The following CC2D1A variants were observed in gnomAD, a reference collection of about 807,000 sequenced individuals.
CC2D1A encodes coiled-coil and C2 domain-containing protein 1A.
CC2D1A carries 68 observed loss-of-function variants against 123.8 expected under a neutral mutation model. The observed-to-expected ratio is 0.55, with a 90% CI of 0.45 to 0.67. The LOEUF (loss-of-function observed/expected upper bound fraction) is 0.67, where lower values mean the gene tolerates loss of function less well. Ranked by LOEUF, CC2D1A falls within the 30% of genes least tolerant of loss-of-function variation. The pLI, the probability that CC2D1A is intolerant of heterozygous loss-of-function variation, is 0.00. For synonymous variants in CC2D1A, 477 were observed against 528.0 expected (o/e 0.90, Z 1.32); for missense variants, 1,185 against 1,290.3 (o/e 0.92, Z 1.25).
In CC2D1A at chr19:13,920,618, C is replaced by T. The variant is rs369142336; in HGVS notation, c.1418C>T (p.Ser473Leu). The T allele has an allele frequency of 4.6e-5, 74 of 1,611,178 alleles. No homozygotes were observed. Among genetic ancestry groups the T allele is most frequent in the East Asian group, 2.9e-4 (13 of 44,786 alleles). Residue 473 changes from serine to leucine, a missense_variant, in exon 13 of 29, where the codon TCG becomes TTG. Ser to Leu is a moderately radical substitution (Grantham distance 145, BLOSUM62 -2). Coordinates refer to ENST00000318003, the MANE Select transcript of CC2D1A (RefSeq NM_017721.5). ...PKAPPSRTPQ[S>L]GSAPTAKAPP... is the part of the protein sequence containing the mutation. Reference sequence around the variant, plus strand: ...GCCCCACCCTCAAGAACTCCCCAGTCGGGATCAGCCCCAACAGCCAAAGCG... The same window carrying T: ...GCCCCACCCTCAAGAACTCCCCAGTTGGGATCAGCCCCAACAGCCAAAGCG...
rs145190059 is a variant in CC2D1A, at chr19:13,914,933, G to A, written c.748+1295G>A. Among the ~76,000 whole-genome samples the A allele has an allele frequency of 5.2e-3, 791 of 152,340 alleles. 4 individuals are homozygous for A. Among genetic ancestry groups the A allele is most frequent in the Non-Finnish European group, 7.4e-3 (502 of 68,040 alleles). On this transcript the variant is annotated intron_variant, in intron 6 of 28. Transcript: ENST00000318003. ...CTCCCTCTCTTTGTGATATGAACACGGGGCTTTGCCCCAGGTCCAAACACT... is the reference window on the plus strand; with the variant it reads ...CTCCCTCTCTTTGTGATATGAACACAGGGCTTTGCCCCAGGTCCAAACACT...
rs1194702277 is a variant in CC2D1A at position 13,927,011 on chromosome 19, G to A, written c.2159G>A (p.Arg720His). The A allele has an allele frequency of 3.7e-6, 6 of 1,614,062 alleles. No individual in the cohort carries two copies. The highest frequency in any genetic ancestry group is 4.2e-6 in the Non-Finnish European group (5 of 1,180,010). ...FKEQFKLCIN[R>H]SHRGFRRAIQ... ...GAGCAGTTCAAACTCTGCATCAACC[G>A]CAGCCACCGTGGCTTCCGAAGGGCC... Residue 720 changes from arginine (R) to histidine (H), a missense_variant, in exon 21 of 29, where the codon CGC becomes CAC. Coordinates refer to ENST00000318003, the MANE Select transcript of CC2D1A (RefSeq NM_017721.5).
chr19:13,918,602 C>G, intron 8 of CC2D1A, 26 bp downstream of exon 8: 1 of 1,610,064 alleles, frequency 6.2e-7, no homozygotes, highest in Non-Finnish European at 8.5e-7. Flanking sequence ...TGCCCACTCT[C>G]TGGGATGGTT....
chr19:13,930,322 A>T lies in CC2D1A; in HGVS notation c.2835+33A>T, dbSNP rs1971857882. 4 of 1,613,764 alleles carry T rather than the reference A, an allele frequency of 2.5e-6. No individual in the cohort carries two copies. The highest frequency in any genetic ancestry group is 3.4e-6 in the Non-Finnish European group (4 of 1,179,814). On this transcript the variant is annotated intron_variant, in intron 28 of 28. Transcript: ENST00000318003. The surrounding 1 kb of genome is among the most constrained non-coding windows in gnomAD (Gnocchi z 6.8). ...GCTTAGGAGATGGGGTGGTTGGGGG[A>T]TCACTGTGGTCGTAGCCCACCTCCA...
intron 24 of CC2D1A, 106 bp from the exon 25 acceptor site, chr19:13,929,273 G>C: frequency 8.4e-7 from 1 of 1,186,940 alleles, no homozygotes; most frequent in South Asian, 1.3e-5. Flanking sequence ...CCAAAGTGCA[G>C]GGATTACAGG....
chr19:13,908,091 C>T (rs940898552), intron 1 of CC2D1A, among the ~76,000 whole-genome samples: 2 of 152,174 alleles, frequency 1.3e-5, no homozygotes, highest in South Asian at 2.1e-4. Context: ...CTGCAACCTC[C>T]GCTTCCCGGG....
At chr19:13,910,054 C>CA (rs1240601302) in intron 2 of CC2D1A, 96 bp downstream of exon 2, 1 of 1,201,480 alleles carries the variant, frequency 8.3e-7, no homozygotes, top group Non-Finnish European at 1.1e-6. Flanking sequence ...GGAAAGAAGA[C>CA]AGAGAAGACC....
intron 4 of CC2D1A, among the ~76,000 whole-genome samples, chr19:13,912,926 G>A (rs955176379): frequency 1.3e-5 from 2 of 152,200 alleles, no homozygotes; most frequent in South Asian, 2.1e-4. Flanking sequence ...GATTACAGGC[G>A]TGAGCCACCG....
intron 17 of CC2D1A, among the ~76,000 whole-genome samples, chr19:13,924,659 G>A (rs1050208588): frequency 2.0e-5 from 3 of 152,120 alleles, no homozygotes; most frequent in Admixed American, 6.6e-5. Context: ...TAGTAGAGAC[G>A]GGGTTTCATT....
Position 13,929,661 on chromosome 19 carries a change from G to C in CC2D1A, c.2710+1G>C. The C allele has an allele frequency of 2.0e-6, 3 of 1,536,156 alleles. No homozygotes were observed. Among genetic ancestry groups the C allele is most frequent in the Non-Finnish European group, 2.6e-6 (3 of 1,143,544 alleles). On this transcript the variant is annotated splice_donor_variant, in intron 26 of 28. Coordinates refer to ENST00000318003, the MANE Select transcript of CC2D1A (RefSeq NM_017721.5). LOFTEE classifies it high-confidence loss of function. ...CAGGGGGGTGTGGGCATCCGACGGG[G>C]TAGGGGTTTGGAGATGGGCATCTGG...
At chr19:13,921,358 T>G (rs1436676258) in intron 14 of CC2D1A, among the ~76,000 whole-genome samples, 2 of 151,000 alleles carry the variant, frequency 1.3e-5, no homozygotes, top group Admixed American at 1.3e-4. Flanking sequence ...AGTCTCTTGT[T>G]GGTGCACTGT....
At position 13,929,642 on chromosome 19, in the gene CC2D1A, G is replaced by A. The variant is rs1358207512; in HGVS notation, c.2692G>A (p.Gly898Ser). The change falls in exon 26 of 29, where the codon GGT (glycine) becomes AGT (serine). Residue 898 changes from glycine (G) to serine (S), a missense_variant. By Grantham distance (56) the Gly-to-Ser change is moderately conservative. Transcript: ENST00000318003. ...QWQRAQLEQG[G>S]VGIRREYAAQ... is the part of the protein sequence containing the mutation. Reference sequence around the variant, plus strand: ...GCAGAGGGCACAGCTGGAGCAGGGGGGTGTGGGCATCCGACGGGGTAGGGG... The same window carrying A: ...GCAGAGGGCACAGCTGGAGCAGGGGAGTGTGGGCATCCGACGGGGTAGGGG... 4.0e-5 allele frequency: 63 copies of A among 1,565,320 alleles called. No individual in the cohort carries two copies. The highest frequency in any genetic ancestry group is 5.4e-5 in the Non-Finnish European group (62 of 1,158,130).
chr19:13,916,083 C>T (rs556162869), intron 6 of CC2D1A, among the ~76,000 whole-genome samples: 1 of 151,928 alleles, frequency 6.6e-6, no homozygotes, highest in South Asian at 2.1e-4. Context: ...ATGGTGAGAC[C>T]TCATCTCTAC....
At position 13,923,674 on chromosome 19, in the gene CC2D1A, G is replaced by A; in HGVS notation, c.1824-21G>A. 6.2e-7 allele frequency: 1 copy of A among 1,612,436 alleles called. No individual in the cohort carries two copies. The highest frequency in any genetic ancestry group is 8.5e-7 in the Non-Finnish European group (1 of 1,178,464). ...CCCATCCCCAGGGCCAGGGACATGAGCAGGGCCCTCCCACCGGCAGGTTTG... is the reference window on the plus strand; with the variant it reads ...CCCATCCCCAGGGCCAGGGACATGAACAGGGCCCTCCCACCGGCAGGTTTG... On this transcript the variant is annotated intron_variant, in intron 16 of 28. Coordinates refer to ENST00000318003, the MANE Select transcript of CC2D1A (RefSeq NM_017721.5). This position sits in a 1 kb window ranked among gnomAD's most constrained non-coding sequence, Gnocchi z 5.3.
At chr19:13,913,707 G>T in intron 6 of CC2D1A, 69 bp downstream of exon 6, 3 of 1,235,650 alleles carry the variant, frequency 2.4e-6, no homozygotes, top group African/African-American at 1.5e-5. Context: ...CTGCTCTAGG[G>T]GGGTGCCGGC....
At position 13,930,520 on chromosome 19, in the gene CC2D1A, A is replaced by C; in HGVS notation, c.*125A>C. The C allele has an allele frequency of 9.6e-6, 11 of 1,140,526 alleles. No individual in the cohort carries two copies. The highest frequency in any genetic ancestry group is 1.2e-5 in the Non-Finnish European group (10 of 827,612). The allele number at this position is 1,140,526 out of a possible 1,614,324, so 70.7% of individuals were successfully genotyped here. On this transcript the variant is annotated 3_prime_UTR_variant, in exon 29 of 29. Transcript: ENST00000318003. The surrounding 1 kb of genome is among the most constrained non-coding windows in gnomAD (Gnocchi z 6.8). ...ACAATCGGTTCTGGACTCACCCCTC[A>C]TCCGGGCCCCCAGCCCCGCCAGAGC...
At position 13,909,902 on chromosome 19, in the gene CC2D1A, A is replaced by G; in HGVS notation, c.140A>G (p.Glu47Gly). 1 of 1,555,384 alleles carries G rather than the reference A, an allele frequency of 6.4e-7. No individual in the cohort carries two copies. The highest frequency in any genetic ancestry group is 8.7e-7 in the Non-Finnish European group (1 of 1,149,272). ...GCTAACGATGAAGAACTGGAGGCTG[A>G]GTTCTTGGCTTTGGTCGGGGGCCAG... ...DGANDEELEA[E>G]FLALVGGQPP... Residue 47 changes from glutamate (E) to glycine (G), a missense_variant, in exon 2 of 29, where the codon GAG (glutamate) becomes GGG (glycine). Transcript: ENST00000318003.
At chr19:13,928,772 G>A (rs575981757) in intron 24 of CC2D1A, among the ~76,000 whole-genome samples, 7 of 147,076 alleles carry the variant, frequency 4.8e-5, no homozygotes, top group African/African-American at 1.5e-4. Flanking sequence ...GCAATGGCGC[G>A]ATCTCAGCTC....
At position 13,927,884 on chromosome 19, in the gene CC2D1A, C is replaced by T. The variant is rs1971702439; in HGVS notation, c.2317-9C>T. The stretch of plus-strand genomic sequence containing the variant: ...TTCCCACCAACAGTTTCTCCTTACC[C>T]CCACCCAGGTCCTGGATGGTCGCCG... On this transcript the variant is annotated splice_polypyrimidine_tract_variant and intron_variant, in intron 22 of 28. Transcript: ENST00000318003. 1 of 1,612,878 alleles carries T rather than the reference C, an allele frequency of 6.2e-7. No homozygotes were observed. The highest frequency in any genetic ancestry group is 1.3e-5 in the African/African-American group (1 of 74,910).
Sources: allele counts gnomAD v4.1 joint callset (sites outside exome capture counted in the v4.1 genomes callset), GRCh38; gene constraint gnomAD v4.1.1; non-coding constraint Gnocchi (gnomAD v3.1); transcripts MANE v1.5; gene names NCBI Gene and HGNC (gene_info 2026-07-23, HGNC 2026-07-21).